The following ZPBP variants were observed in gnomAD, a reference collection of about 807,000 sequenced individuals.
The protein encoded by ZPBP is zona pellucida binding protein, also known as zona pellucida-binding protein 1.
Under a neutral mutation model 44.8 loss-of-function variants are expected in ZPBP, and 26 were observed. The observed-to-expected ratio is 0.58, with a 90% CI of 0.43 to 0.81. The LOEUF (loss-of-function observed/expected upper bound fraction) is 0.81. ZPBP is among the 30% of genes least tolerant of loss of function. The pLI, the probability that ZPBP is intolerant of heterozygous loss-of-function variation, is 0.00. For synonymous variants in ZPBP, 174 were observed against 153.2 expected, an observed-to-expected ratio of 1.14 and a Z score of -1.00; for missense variants, 409 against 434.0, an observed-to-expected ratio of 0.94 and a Z score of 0.51.
At chr7:49,876,533 G>A (rs1791420455) in intron 2 of ZPBP, among the ~76,000 whole-genome samples, 1 of 152,130 alleles carries the variant, frequency 6.6e-6, no homozygotes, top group African/African-American at 2.4e-5. Context: ...GGGATATGCT[G>A]CTGACATGAT....
intron 7 of ZPBP, among the ~76,000 whole-genome samples, chr7:49,947,991 A>C (rs1795174039): frequency 6.6e-6 from 1 of 152,220 alleles, no homozygotes; most frequent in South Asian, 2.1e-4. Flanking sequence ...CCAGGCCTGC[A>C]GCAAGTATTG....
chr7:49,935,374 T>A (rs1794585428), downstream of ZPBP, among the ~76,000 whole-genome samples: 1 of 152,044 alleles, frequency 6.6e-6, no homozygotes, highest in Non-Finnish European at 1.5e-5. Context: ...TATTTTGTCC[T>A]TTACTTCAAT....
downstream of ZPBP, among the ~76,000 whole-genome samples, chr7:49,848,047 G>C (rs1790023100): frequency 6.6e-6 from 1 of 152,180 alleles, no homozygotes; most frequent in South Asian, 2.1e-4. Flanking sequence ...AACATGGGTG[G>C]GAAGTCGGAA....
At chr7:49,957,388 A>T (rs991492890) in intron 7 of ZPBP, among the ~76,000 whole-genome samples, 2 of 152,072 alleles carry the variant, frequency 1.3e-5, no homozygotes, top group Admixed American at 6.6e-5. Context: ...AAGGTCTGGG[A>T]GAAGGAAATA....
downstream of ZPBP, among the ~76,000 whole-genome samples, chr7:49,847,240 A>AT (rs1319470880): frequency 6.9e-6 from 1 of 145,218 alleles, no homozygotes; most frequent in African/African-American, 2.7e-5. Context: ...TAATATATAT[A>AT]ATATAATATA....
chr7:49,933,653 A>G (rs13243680), downstream of ZPBP, among the ~76,000 whole-genome samples: 2,118 of 152,302 alleles, frequency 0.014, 36 homozygotes, highest in African/African-American at 0.048. Flanking sequence ...GAACCAACCC[A>G]AATGTCCAAC....
chr7:50,040,287 T>C (rs1800009992), intron 4 of ZPBP, among the ~76,000 whole-genome samples: 1 of 152,218 alleles, frequency 6.6e-6, no homozygotes, highest in African/African-American at 2.4e-5. Flanking sequence ...TAATAGAATG[T>C]TAAAAGATAT....
At chr7:50,015,963 G>A (rs575243085) in intron 6 of ZPBP, among the ~76,000 whole-genome samples, 2 of 152,212 alleles carry the variant, frequency 1.3e-5, no homozygotes, top group Admixed American at 1.3e-4. Flanking sequence ...TACTGCTGGT[G>A]GGAATGTAAA....
intron 6 of ZPBP, among the ~76,000 whole-genome samples, chr7:49,987,729 TGTGTGTGTGTG>T (rs1377132226): frequency 0.053 from 32 of 606 alleles, no homozygotes; most frequent in African/African-American, 0.14. Flanking sequence ...ATATATGTGT[TGTGTGTGTGTG>T]TGTGTGTGTG....
chr7:50,067,795 A>G (rs73340143), intron 3 of ZPBP, among the ~76,000 whole-genome samples: 2,436 of 152,320 alleles, frequency 0.016, 76 homozygotes, highest in African/African-American at 0.055. Context: ...GTTTTAAAAT[A>G]AGGAAGCCAT....
At chr7:50,092,911 T>C (rs1803063683) in intron 1 of ZPBP, 157 bp downstream of exon 1, 4 of 1,173,798 alleles carry the variant, frequency 3.4e-6, no homozygotes, top group Non-Finnish European at 2.3e-6. Flanking sequence ...AGTGACTTTG[T>C]ACGACTTCCA....
chr7:50,053,876 T>TTTTTC (rs1182844022), intron 4 of ZPBP, among the ~76,000 whole-genome samples: 1 of 152,106 alleles, frequency 6.6e-6, no homozygotes, highest in Non-Finnish European at 1.5e-5. Flanking sequence ...TAGGAAACAA[T>TTTTTC]TTTTCTTTTC....
intron 4 of ZPBP, among the ~76,000 whole-genome samples, chr7:50,032,075 T>G (rs923656857): frequency 6.6e-6 from 1 of 152,164 alleles, no homozygotes; most frequent in Non-Finnish European, 1.5e-5. Context: ...TTTACTTTCT[T>G]ACCTACACAT....
intron 3 of ZPBP, among the ~76,000 whole-genome samples, chr7:50,075,102 A>G (rs183419238): frequency 1.2e-3 from 177 of 152,166 alleles, no homozygotes; most frequent in Non-Finnish European, 1.9e-3. Context: ...AAAACTAGAA[A>G]TAAATAATAA....
intron 7 of ZPBP, among the ~76,000 whole-genome samples, chr7:49,955,914 A>C (rs2128761334): frequency 6.6e-6 from 1 of 152,316 alleles, no homozygotes; most frequent in South Asian, 2.1e-4. Context: ...ACATTATCAA[A>C]ACAGGCTCAG....
intron 5 of ZPBP, among the ~76,000 whole-genome samples, chr7:50,028,293 A>C (rs76620348): frequency 7.6e-6 from 1 of 131,916 alleles, no homozygotes; most frequent in Non-Finnish European, 1.7e-5. Context: ...TTAAAAAAAA[A>C]ACACATGATA....
chr7:49,973,260 C>T (rs1451881520), intron 7 of ZPBP, among the ~76,000 whole-genome samples: 1 of 150,126 alleles, frequency 6.7e-6, no homozygotes, highest in African/African-American at 2.4e-5. Flanking sequence ...AGACTTTCCC[C>T]CAGAAAAGTC....
At chr7:49,940,940 A>AG (rs1794853310) in intron 7 of ZPBP, among the ~76,000 whole-genome samples, 1 of 152,150 alleles carries the variant, frequency 6.6e-6, no homozygotes, top group Admixed American at 6.6e-5. Context: ...TGTAAAGCCC[A>AG]GAGAAGCAGC....
chr7:49,854,034 G>A (rs1790312292), intron 2 of ZPBP, among the ~76,000 whole-genome samples: 2 of 151,656 alleles, frequency 1.3e-5, no homozygotes, highest in Non-Finnish European at 2.9e-5. Flanking sequence ...TCCCTGCAAA[G>A]GACATGAACT....
Sources: gnomAD v4.1 joint callset for allele counts (sites outside exome capture counted in the v4.1 genomes callset) on GRCh38, gnomAD v4.1.1 for gene constraint, MANE v1.5 for transcripts, NCBI Gene and HGNC (gene_info 2026-07-23, HGNC 2026-07-21) for gene names.